PCCA: variants seen among roughly 807,000 people sequenced by gnomAD.
The protein encoded by PCCA is propionyl-CoA carboxylase alpha chain, mitochondrial.
PCCA carries 74 observed loss-of-function variants against 101.3 expected under a neutral mutation model. The observed-to-expected ratio is 0.73, with a 90% CI of 0.61 to 0.89. PCCA has a LOEUF of 0.89. PCCA is among the 40% of genes least tolerant of loss of function. The probability of loss-of-function intolerance (pLI) is 0.00; values close to 1 mark genes in which losing one functional copy is unlikely to be tolerated. For missense variants in PCCA, 891 were observed against 907.0 expected (o/e 0.98, Z 0.23); for synonymous variants, 294 against 313.6 (o/e 0.94, Z 0.66).
At chr13:100,280,019 T>G (rs961727238) in intron 12 of PCCA, among the ~76,000 whole-genome samples, 43 of 151,770 alleles carry the variant, frequency 2.8e-4, no homozygotes, top group Non-Finnish European at 4.0e-4. Context: ...TTTGTTTTTT[T>G]TTTTTTTGGT....
chr13:100,510,486 C>T (rs1433588969), intron 21 of PCCA, among the ~76,000 whole-genome samples: 8 of 152,202 alleles, frequency 5.3e-5, no homozygotes, highest in South Asian at 2.1e-4. Flanking sequence ...TGCTTTGTAC[C>T]GCACTACACC....
chr13:100,140,595 A>G (rs1275842473), intron 4 of PCCA, among the ~76,000 whole-genome samples: 3 of 152,178 alleles, frequency 2.0e-5, no homozygotes, highest in African/African-American at 7.2e-5. Flanking sequence ...CATGGGAGGA[A>G]AAGAAAATGA....
chr13:100,111,808 A>G (rs2152278346), intron 2 of PCCA, 33 bp from the exon 3 acceptor site: 2 of 1,516,718 alleles, frequency 1.3e-6, no homozygotes, highest in South Asian at 1.1e-5. Context: ...TAAAAGTAAC[A>G]ATTTCTAATG....
rs1443858896 is a variant in PCCA at position 100,302,982 on chromosome 13, C to T, written c.1268C>T (p.Pro423Leu). The T allele has an allele frequency of 5.0e-6, 8 of 1,592,044 alleles. No individual in the cohort carries two copies. Among genetic ancestry groups the T allele is most frequent in the Non-Finnish European group, 5.2e-6 (6 of 1,160,024 alleles). ...SIGRLSQYQEPLHLPGVRVDS... is the reference protein window; with the variant it reads ...SIGRLSQYQELLHLPGVRVDS... Reference sequence around the variant, plus strand: ...GGGAGATTGTCTCAGTACCAAGAACCGTTACATCTACCTGGTGTAAGTCAT... The same window carrying T: ...GGGAGATTGTCTCAGTACCAAGAACTGTTACATCTACCTGGTGTAAGTCAT... Residue 423 changes from proline (P) to leucine (L), a missense_variant, in exon 14 of 24, where the codon CCG (proline) becomes CTG (leucine). Transcript: ENST00000376285.
At chr13:100,280,654 A>C (rs1266602377) in intron 12 of PCCA, among the ~76,000 whole-genome samples, 2 of 152,178 alleles carry the variant, frequency 1.3e-5, no homozygotes, top group African/African-American at 4.8e-5. Flanking sequence ...ATTTTATTGA[A>C]GTGTATTCTA....
chr13:100,377,905 A>G (rs1230437929), intron 19 of PCCA, among the ~76,000 whole-genome samples: 1 of 151,986 alleles, frequency 6.6e-6, no homozygotes, highest in Non-Finnish European at 1.5e-5. Context: ...TTTGTTTTAT[A>G]TGTTCCTTGT....
intron 16 of PCCA, among the ~76,000 whole-genome samples, chr13:100,323,390 C>T (rs139880596): frequency 2.0e-5 from 3 of 151,558 alleles, no homozygotes; most frequent in African/African-American, 7.3e-5. Context: ...GGTGCGGTCT[C>T]GGCTCACTAC....
chr13:100,522,903 T>G (rs1475775111), intron 22 of PCCA, among the ~76,000 whole-genome samples: 3 of 152,260 alleles, frequency 2.0e-5, no homozygotes, highest in African/African-American at 7.2e-5. Context: ...TTTCATGCTT[T>G]TATTCCAAAT....
At chr13:100,287,351 A>T (rs2064756390) in intron 12 of PCCA, among the ~76,000 whole-genome samples, 1 of 152,138 alleles carries the variant, frequency 6.6e-6, no homozygotes, top group Admixed American at 6.5e-5. Context: ...TAACAGAAGA[A>T]AAAGAAATTA....
intron 19 of PCCA, among the ~76,000 whole-genome samples, chr13:100,386,219 T>A (rs1214302595): frequency 6.6e-6 from 1 of 152,218 alleles, no homozygotes; most frequent in Non-Finnish European, 1.5e-5. Flanking sequence ...TTCTCCCTGC[T>A]ATTGGTTTAA....
rs547974573 is a variant in PCCA at position 100,401,389 on chromosome 13, G to A, written c.1747-24244G>A. 4.4e-4 allele frequency among the ~76,000 whole-genome samples: 67 copies of A among 151,944 alleles called. 1 individual carries two copies. Among genetic ancestry groups the A allele is most frequent in the Middle Eastern group, 3.4e-3 (1 of 294 alleles). On this transcript the variant is annotated intron_variant, in intron 19 of 23. Coordinates refer to ENST00000376285, the MANE Select transcript of PCCA (RefSeq NM_000282.4). ...CTCCCGAGTAGCTGGGACTACAGGC[G>A]TGCACCACCATGCCTGGCTAATTTT...
chr13:100,456,247 T>G (rs2081701268), intron 21 of PCCA, among the ~76,000 whole-genome samples: 1 of 152,224 alleles, frequency 6.6e-6, no homozygotes, highest in Non-Finnish European at 1.5e-5. Context: ...TGTGTGTTTC[T>G]CTATGACATG....
chr13:100,469,224 A>AAAAAAAAAAAAAAAAG, intron 21 of PCCA, among the ~76,000 whole-genome samples: 1 of 150,300 alleles, frequency 6.7e-6, no homozygotes, highest in African/African-American at 2.4e-5. Context: ...AAAAAAAAAA[A>AAAAAAAAAAAAAAAAG]AAAGAATCCC....
rs375364107 is a variant in PCCA at position 100,275,680 on chromosome 13, C to CT, written c.1065+2343dup. On this transcript the variant is annotated intron_variant, in intron 12 of 23. Coordinates refer to ENST00000376285, the MANE Select transcript of PCCA (RefSeq NM_000282.4). Reference sequence around the variant, plus strand: ...TCTTGTCCAATCTCTGGCCTTTTTCCTTTTTTTTTCTTTCTTTTGCAGTAT... The same window carrying CT: ...TCTTGTCCAATCTCTGGCCTTTTTCCTTTTTTTTTTCTTTCTTTTGCAGTAT... Among the ~76,000 whole-genome samples the CT allele has an allele frequency of 3.6e-3, 551 of 151,058 alleles. 5 individuals carry two copies. Among genetic ancestry groups the CT allele is most frequent in the African/African-American group, 0.013 (521 of 41,154 alleles).
rs148386273 is a variant in PCCA at position 100,421,063 on chromosome 13, C to T, written c.1747-4570C>T. 7.2e-5 allele frequency among the ~76,000 whole-genome samples: 11 copies of T among 152,170 alleles called. No homozygotes were observed. The East Asian group carries it at 1.2e-3, about 16-fold the overall frequency. ...CTCTACTAACAATGCAAAAATTAGC[C>T]GGGCCTGGTGGCAGGCGCCTGTAAT... On this transcript the variant is annotated intron_variant, in intron 19 of 23. Transcript: ENST00000376285.
intron 22 of PCCA, 78 bp downstream of exon 22, chr13:100,515,645 C>A: frequency 1.3e-6 from 2 of 1,540,206 alleles, no homozygotes; most frequent in Non-Finnish European, 1.8e-6. Flanking sequence ...AACGGCACAG[C>A]ACGATTCGGC....
At chr13:100,386,391 T>A (rs1040315916) in intron 19 of PCCA, among the ~76,000 whole-genome samples, 3 of 152,134 alleles carry the variant, frequency 2.0e-5, no homozygotes, top group African/African-American at 4.8e-5. Flanking sequence ...TCTTTTTTTT[T>A]AAGACGGAAT....
intron 6 of PCCA, among the ~76,000 whole-genome samples, chr13:100,192,334 G>T (rs184441161): frequency 1.3e-5 from 2 of 152,246 alleles, no homozygotes; most frequent in African/African-American, 4.8e-5. Context: ...GCGAGGTCCT[G>T]GTGCACCTCT....
At chr13:100,209,996 C>T (rs2059111254) in intron 7 of PCCA, among the ~76,000 whole-genome samples, 1 of 152,142 alleles carries the variant, frequency 6.6e-6, no homozygotes, top group East Asian at 1.9e-4. Context: ...ACTCTGTTGC[C>T]CAGGCTGGAG....
Sources: allele counts gnomAD v4.1 joint callset (sites outside exome capture counted in the v4.1 genomes callset), GRCh38; gene constraint gnomAD v4.1.1; transcripts MANE v1.5; gene names NCBI Gene and HGNC (gene_info 2026-07-23, HGNC 2026-07-21).